Variants in C5orf34 observed in about 807,000 individuals in gnomAD.
The protein encoded by C5orf34 is uncharacterized protein C5orf34.
Under a neutral mutation model 78.4 loss-of-function variants are expected in C5orf34, and 73 were observed. The observed-to-expected ratio is 0.93, with a 90% CI of 0.77 to 1.13. The LOEUF is 1.13. Ranked by LOEUF, C5orf34 falls within the 50% of genes most tolerant of loss-of-function variation. The pLI is 0.00. For synonymous variants in C5orf34, 251 were observed against 246.6 expected (o/e 1.02, Z -0.17); for missense variants, 730 against 732.7 (o/e 1.00, Z 0.04).
At chr5:43,496,309 A>T in intron 6 of C5orf34, 1 of 1,584,904 alleles carries the variant, frequency 6.3e-7, no homozygotes, top group Admixed American at 1.7e-5. Flanking sequence ...GTCCTTTCCC[A>T]TCTCAGCAGC....
At chr5:43,487,805 T>C in intron 12 of C5orf34, 104 bp downstream of exon 12, 1 of 815,728 alleles carries the variant, frequency 1.2e-6, no homozygotes, top group East Asian at 2.7e-5. Context: ...AGGTTAGCAA[T>C]ATATTAAGTA....
intron 2 of C5orf34, 37 bp downstream of exon 2, chr5:43,509,108 A>T (rs1329763758): frequency 1.9e-6 from 3 of 1,570,882 alleles, no homozygotes. Flanking sequence ...CTGTCTCTAA[A>T]AAACAAAAAA....
chr5:43,510,597 C>T (rs376352711), intron 1 of C5orf34, among the ~76,000 whole-genome samples: 31 of 152,218 alleles, frequency 2.0e-4, no homozygotes, highest in East Asian at 1.4e-3. Flanking sequence ...CGCGCTGCCA[C>T]GCCTGACTGG....
chr5:43,502,253 C>T, intron 6 of C5orf34, 119 bp downstream of exon 6: 1 of 954,566 alleles, frequency 1.0e-6, no homozygotes, highest in Non-Finnish European at 1.6e-6. Flanking sequence ...ATTAATACTC[C>T]AGACTGGGGA....
At chr5:43,490,809 GAC>G (rs1436414486) in intron 10 of C5orf34, 80 bp from the exon 11 acceptor site, 1 of 681,190 alleles carries the variant, frequency 1.5e-6, no homozygotes, top group African/African-American at 1.8e-5. Flanking sequence ...GTAAAAATAA[GAC>G]AATTTGGGAA....
Position 43,490,704 on chromosome 5 carries a change from AC to A in C5orf34, c.1605del (p.Trp535CysfsTer5). 1 of 1,605,836 alleles carries A rather than the reference AC, an allele frequency of 6.2e-7. No homozygotes were observed. Among genetic ancestry groups the A allele is most frequent in the Non-Finnish European group, 8.5e-7 (1 of 1,173,062 alleles). On this transcript the variant is annotated frameshift_variant, in exon 11 of 13. Transcript: ENST00000306862. LOFTEE classifies it high-confidence loss of function. ...GGACTAGTCTGGGTCAGTCTCCTGC[AC>A]CATGATGTTACTGTTGTCACATATC... The part of the protein sequence containing the change: ...YERYVTTVTS[W>X]CRRLTQTSPR...
chr5:43,512,974 G>A (rs972091095), intron 1 of C5orf34, among the ~76,000 whole-genome samples: 1 of 151,694 alleles, frequency 6.6e-6, no homozygotes, highest in Non-Finnish European at 1.5e-5. Context: ...AGTAGAGACA[G>A]GTTTTCACCA....
intron 7 of C5orf34, 46 bp from the exon 8 acceptor site, chr5:43,493,658 T>C: frequency 8.5e-7 from 1 of 1,181,922 alleles, no homozygotes; most frequent in Non-Finnish European, 1.2e-6. Flanking sequence ...AATGACATTT[T>C]CCAATTCTAG....
chr5:43,492,849 C>T lies in C5orf34; in HGVS notation c.1356G>A (p.Leu452=). The T allele has an allele frequency of 5.0e-6, 8 of 1,610,714 alleles. No individual in the cohort carries two copies. The highest frequency in any genetic ancestry group is 6.8e-6 in the Non-Finnish European group (8 of 1,177,758). Residue 452 remains leucine, a synonymous_variant, in exon 9 of 13, where the codon TTG becomes TTA. Transcript: ENST00000306862. ...CCACACTGGGTATGAGTGACTCTTT[C>T]AAAACCAAAGGCAGTATATTGCTAT... ...INDSNILPLV[L]KESLIPSVGR...
intron 1 of C5orf34, 110 bp from the exon 2 acceptor site, chr5:43,509,485 C>T: frequency 1.6e-6 from 1 of 608,204 alleles, no homozygotes; most frequent in Non-Finnish European, 2.7e-6. Flanking sequence ...ATTGCATTTA[C>T]TTTTGTTAAG....
In C5orf34 at chr5:43,487,776, G is replaced by T. The variant is rs1745124489; in HGVS notation, c.1720+133C>A. ...GATCCATCTTAAATTACAATCTTAG[G>T]TATTTGCTGACTCAATAAAGGTTAG... On this transcript the variant is annotated intron_variant, in intron 12 of 12. Coordinates refer to ENST00000306862, the MANE Select transcript of C5orf34 (RefSeq NM_198566.4). 4.6e-6 allele frequency: 3 copies of T among 654,480 alleles called. No individual in the cohort carries two copies. In the South Asian group the frequency reaches 5.9e-5, roughly 13 times the overall value. The allele number at this position is 654,480 out of a possible 1,614,324, so 40.5% of individuals were successfully genotyped here.
chr5:43,503,827 A>G (rs1470431610), intron 4 of C5orf34, 67 bp from the exon 5 acceptor site: 5 of 989,194 alleles, frequency 5.1e-6, no homozygotes, highest in Middle Eastern at 5.3e-4. Context: ...GAAGTCAACA[A>G]AATGTTGCTA....
chr5:43,490,802 A>G (rs1204317387), intron 10 of C5orf34, 73 bp from the exon 11 acceptor site: 9 of 724,884 alleles, frequency 1.2e-5, no homozygotes, highest in Non-Finnish European at 2.0e-5. Flanking sequence ...AACAAATGTA[A>G]AAATAAGACA....
In C5orf34 at chr5:43,509,167, T is replaced by C. The variant is rs140332394; in HGVS notation, c.173A>G (p.His58Arg). 2.0e-5 allele frequency: 32 copies of C among 1,613,100 alleles called. No homozygotes were observed. The African/African-American group carries it at 3.9e-4, about 20-fold the overall frequency. Reference sequence around the variant, plus strand: ...TACTCTGTAAGTGCTAATGACAAAATGTGTCCTTTGACGAATTCTTTCTGG... The same window carrying C: ...TACTCTGTAAGTGCTAATGACAAAACGTGTCCTTTGACGAATTCTTTCTGG... Reference protein sequence around the residue: ...EQPERIRQRTHFVISTYREQL... With the variant: ...EQPERIRQRTRFVISTYREQL... The change falls in exon 2 of 13, where the codon CAT becomes CGT. Residue 58 changes from histidine (H) to arginine (R), a missense_variant. Coordinates refer to ENST00000306862, the MANE Select transcript of C5orf34 (RefSeq NM_198566.4).
intron 8 of C5orf34, 64 bp from the exon 9 acceptor site, chr5:43,492,954 A>G (rs534496343): frequency 8.3e-7 from 1 of 1,202,092 alleles, no homozygotes; most frequent in African/African-American, 1.5e-5. Flanking sequence ...TTAAATGAAT[A>G]TTAATGACTC....
intron 4 of C5orf34, among the ~76,000 whole-genome samples, chr5:43,505,038 G>GT (rs1400571266): frequency 6.6e-6 from 1 of 152,144 alleles, no homozygotes; most frequent in East Asian, 1.9e-4. Context: ...GGGATGATAC[G>GT]TTTTTTAACT....
intron 6 of C5orf34, chr5:43,495,090 C>T (rs1745445049): frequency 1.3e-6 from 2 of 1,515,818 alleles, no homozygotes; most frequent in Non-Finnish European, 1.8e-6. Flanking sequence ...GCCTTCTGAG[C>T]TGTCTGGGCA....
At chr5:43,503,492 CTAA>C (rs1336048120) in intron 5 of C5orf34, among the ~76,000 whole-genome samples, 170 bp downstream of exon 5, 1 of 152,162 alleles carries the variant, frequency 6.6e-6, no homozygotes, top group Non-Finnish European at 1.5e-5. Context: ...CTTGTGTGCA[CTAA>C]TAACATTAGT....
Position 43,509,228 on chromosome 5 carries a change from T to C in C5orf34, c.112A>G (p.Lys38Glu). 6.2e-7 allele frequency: 1 copy of C among 1,614,182 alleles called. No individual in the cohort carries two copies. Among genetic ancestry groups the C allele is most frequent in the Non-Finnish European group, 8.5e-7 (1 of 1,180,012 alleles). The change falls in exon 2 of 13, where the codon AAG (lysine) becomes GAG (glutamate). Residue 38 changes from lysine (K) to glutamate (E), a missense_variant. Lys to Glu is a moderately conservative substitution (Grantham distance 56). Coordinates refer to ENST00000306862, the MANE Select transcript of C5orf34 (RefSeq NM_198566.4). ...SPCGSEFLFE[K>E]SPPVSAHPLE... Reference sequence around the variant, plus strand: ...GGATGTGCTGAAACAGGTGGTGACTTTTCAAATAAAAATTCAGAGCCACAG... The same window carrying C: ...GGATGTGCTGAAACAGGTGGTGACTCTTCAAATAAAAATTCAGAGCCACAG...
Sources: gnomAD v4.1 joint callset for allele counts (sites outside exome capture counted in the v4.1 genomes callset) on GRCh38, gnomAD v4.1.1 for gene constraint, MANE v1.5 for transcripts, NCBI Gene and HGNC (gene_info 2026-07-23, HGNC 2026-07-21) for gene names.